UGT1A10: variants seen among roughly 807,000 people sequenced by gnomAD.
The protein encoded by UGT1A10 is UDP glucuronosyltransferase family 1 member A10.
UGT1A10 carries 49 observed loss-of-function variants against 45.8 expected under a neutral mutation model. The observed-to-expected ratio is 1.07, with a 90% CI of 0.85 to 1.36. The LOEUF (loss-of-function observed/expected upper bound fraction) is 1.36. Among genes scored for constraint, UGT1A10 ranks in the 40% most tolerant of loss-of-function variants. The pLI, the probability that UGT1A10 is intolerant of heterozygous loss-of-function variation, is 0.00. For missense variants in UGT1A10, 745 were observed against 668.6 expected, an observed-to-expected ratio of 1.11 and a Z score of -1.26; for synonymous variants, 284 against 249.7, an observed-to-expected ratio of 1.14 and a Z score of -1.29.
At chr2:233,660,490 C>T (rs1389816097) in intron 1 of UGT1A10, among the ~76,000 whole-genome samples, 1 of 152,102 alleles carries the variant, frequency 6.6e-6, no homozygotes, top group East Asian at 1.9e-4. Flanking sequence ...AGAGACAAAG[C>T]GTTGGTTTTC....
chr2:233,769,620 A>G lies in UGT1A10; in HGVS notation c.1295+1181A>G. The G allele has an allele frequency of 6.2e-7, 1 of 1,612,636 alleles. No homozygotes were observed. Among genetic ancestry groups the G allele is most frequent in the Non-Finnish European group, 8.5e-7 (1 of 1,179,796 alleles). ...AACACGGGGACACACCAGCTTGAGCAAGGGACAACAGGGGAGGACTGATGA... is the reference window on the plus strand; with the variant it reads ...AACACGGGGACACACCAGCTTGAGCGAGGGACAACAGGGGAGGACTGATGA... On this transcript the variant is annotated intron_variant, in intron 4 of 4. Transcript: ENST00000344644. This position sits in a 1 kb window ranked among gnomAD's most constrained non-coding sequence, Gnocchi z 4.4.
chr2:233,722,101 G>T, intron 1 of UGT1A10: 1 of 200,878 alleles, frequency 5.0e-6, no homozygotes, highest in East Asian at 1.4e-4. Context: ...AGGCCTCTTA[G>T]AGGAAGAGCT....
chr2:233,665,938 A>C (rs1190354490), intron 1 of UGT1A10, among the ~76,000 whole-genome samples: 1 of 152,122 alleles, frequency 6.6e-6, no homozygotes, highest in Admixed American at 6.5e-5. Context: ...ATACTCACCA[A>C]CACTGGATGT....
intron 1 of UGT1A10, among the ~76,000 whole-genome samples, chr2:233,644,686 T>G (rs958003863): frequency 7.2e-5 from 11 of 152,330 alleles, no homozygotes; most frequent in Non-Finnish European, 1.3e-4. Flanking sequence ...GCCTCCCAAT[T>G]GTCTCCCACC....
intron 1 of UGT1A10, among the ~76,000 whole-genome samples, chr2:233,683,236 G>C (rs979242984): frequency 6.6e-6 from 1 of 151,942 alleles, no homozygotes; most frequent in African/African-American, 2.4e-5. Context: ...CTACTATCAT[G>C]CTGGCTATGT....
intron 1 of UGT1A10, among the ~76,000 whole-genome samples, chr2:233,668,198 C>G (rs867701374): frequency 6.6e-6 from 1 of 152,076 alleles, no homozygotes; most frequent in Admixed American, 6.6e-5. Flanking sequence ...AATGCTATCC[C>G]TCCCCCATAC....
At chr2:233,761,183 A>C in intron 1 of UGT1A10, 1 of 1,614,192 alleles carries the variant, frequency 6.2e-7, no homozygotes, top group East Asian at 2.2e-5. Flanking sequence ...TTACATGCGT[A>C]TATTCTTTCA....
chr2:233,751,619 A>G (rs765633655), intron 1 of UGT1A10, among the ~76,000 whole-genome samples: 10 of 152,142 alleles, frequency 6.6e-5, no homozygotes, highest in Non-Finnish European at 1.3e-4. Flanking sequence ...AGGTGATTGG[A>G]TCATGTGTGC....
intron 4 of UGT1A10, chr2:233,770,359 G>A (rs1272591854): frequency 6.6e-6 from 1 of 152,118 alleles, no homozygotes; most frequent in Non-Finnish European, 1.5e-5. Context: ...TTGAATGAAT[G>A]AATGAAAGTT....
chr2:233,692,893 G>A (rs2075118799), intron 1 of UGT1A10: 3 of 1,527,424 alleles, frequency 2.0e-6, no homozygotes, highest in East Asian at 4.5e-5. Context: ...GCAAGGGAGA[G>A]GTAGACAGGA....
intron 1 of UGT1A10, among the ~76,000 whole-genome samples, chr2:233,661,911 G>C: frequency 6.6e-6 from 1 of 152,036 alleles, no homozygotes; most frequent in Non-Finnish European, 1.5e-5. Flanking sequence ...CAATGCATGA[G>C]AACTGTGAGA....
At chr2:233,642,017 A>G (rs1390190385) in intron 1 of UGT1A10, among the ~76,000 whole-genome samples, 1 of 152,172 alleles carries the variant, frequency 6.6e-6, no homozygotes, top group Admixed American at 6.5e-5. Context: ...GGTGTTCTCT[A>G]GCCTTCTCAT....
At chr2:233,717,972 C>G in intron 1 of UGT1A10, 1 of 447,844 alleles carries the variant, frequency 2.2e-6, no homozygotes, top group South Asian at 1.6e-5. Flanking sequence ...CTTTGGCATT[C>G]AGAAGAGGAA....
intron 1 of UGT1A10, among the ~76,000 whole-genome samples, chr2:233,707,826 T>C (rs1049405798): frequency 1.3e-5 from 2 of 152,232 alleles, no homozygotes; most frequent in African/African-American, 2.4e-5. Context: ...ATATCATTAA[T>C]TTAATAAGAT....
At chr2:233,723,204 CA>C (rs978945300) in intron 1 of UGT1A10, among the ~76,000 whole-genome samples, 1 of 125,334 alleles carries the variant, frequency 8.0e-6, no homozygotes, top group African/African-American at 3.4e-5. Context: ...TAAAAAAAGT[CA>C]AAACTGACTT....
chr2:233,660,579 A>G (rs2073942600), intron 1 of UGT1A10, among the ~76,000 whole-genome samples: 2 of 151,780 alleles, frequency 1.3e-5, no homozygotes, highest in Admixed American at 1.3e-4. Context: ...GCTGGCGTTT[A>G]TTTTTTCCCT....
At chr2:233,716,874 C>T (rs146573773) in intron 1 of UGT1A10, among the ~76,000 whole-genome samples, 54 of 152,252 alleles carry the variant, frequency 3.5e-4, no homozygotes, top group Admixed American at 8.5e-4. Context: ...CCAAGTCTAT[C>T]TGTGCAGCCC....
chr2:233,649,818 G>A (rs1353835301), intron 1 of UGT1A10, among the ~76,000 whole-genome samples: 2 of 152,126 alleles, frequency 1.3e-5, no homozygotes, highest in Non-Finnish European at 2.9e-5. Flanking sequence ...TTACCATGAT[G>A]TTTGGTCTTG....
At chr2:233,735,562 T>C (rs1021326585) in intron 1 of UGT1A10, among the ~76,000 whole-genome samples, 3 of 152,204 alleles carry the variant, frequency 2.0e-5, no homozygotes, top group Non-Finnish European at 4.4e-5. Context: ...TATGGTGTTA[T>C]CGGGTTATTT....
Sources: gnomAD v4.1 joint callset for allele counts (sites outside exome capture counted in the v4.1 genomes callset) on GRCh38, gnomAD v4.1.1 for gene constraint, Gnocchi (gnomAD v3.1) non-coding constraint, MANE v1.5 for transcripts, NCBI Gene and HGNC (gene_info 2026-07-23, HGNC 2026-07-21) for gene names.